MBD5: variants seen among roughly 807,000 people sequenced by gnomAD.
MBD5 encodes methyl-CpG-binding domain protein 5.
A neutral mutation model predicts 117.3 loss-of-function variants in MBD5; 13 were observed. The ratio of observed to expected loss-of-function variants is 0.11; its 90% CI spans 0.07 to 0.18. The LOEUF is 0.18. MBD5 is among the 10% of genes least tolerant of loss of function. The probability of loss-of-function intolerance (pLI) is 1.00; values close to 1 mark genes in which losing one functional copy is unlikely to be tolerated. For missense variants in MBD5, 1,879 were observed against 2,093.8 expected (o/e 0.90, Z 2.00); for synonymous variants, 727 against 766.4 (o/e 0.95, Z 0.85).
intron 1 of MBD5, among the ~76,000 whole-genome samples, chr2:148,160,025 C>T (rs1009674386): frequency 1.3e-5 from 2 of 152,210 alleles, no homozygotes; most frequent in African/African-American, 4.8e-5. Context: ...GTGATGCACA[C>T]TGGCTCTCAA....
At chr2:148,201,483 G>A (rs1343876653) in intron 2 of MBD5, among the ~76,000 whole-genome samples, 1 of 152,204 alleles carries the variant, frequency 6.6e-6, no homozygotes, top group African/African-American at 2.4e-5. Flanking sequence ...AACTCTGTCA[G>A]CCCGGTTGCC....
chr2:148,328,671 A>T (rs1702542875), intron 3 of MBD5, among the ~76,000 whole-genome samples: 1 of 152,216 alleles, frequency 6.6e-6, no homozygotes, highest in South Asian at 2.1e-4. Flanking sequence ...GCGCTTCCCG[A>T]GTGAGGCAAT....
chr2:148,203,183 A>C (rs2105967392), intron 2 of MBD5, among the ~76,000 whole-genome samples: 1 of 152,234 alleles, frequency 6.6e-6, no homozygotes, highest in Admixed American at 6.5e-5. Context: ...AGGAAAGTTC[A>C]CAAATGAAAT....
Position 148,469,005 on chromosome 2 carries a change from G to A in MBD5, c.1062G>A (p.Glu354=), listed in dbSNP as rs370772643. The change falls in exon 8 of 14, where the codon GAG becomes GAA. Residue 354 remains glutamate (E), a synonymous_variant. Transcript: ENST00000642680. ...CALQKKPLTS[E]KDPLGILDPI... ...TTCAGAAAAAGCCATTAACATCTGA[G>A]AAAGATCCACTTGGCATTCTTGACC... The A allele has an allele frequency of 6.2e-7, 1 of 1,613,484 alleles. No homozygotes were observed. Among genetic ancestry groups the A allele is most frequent in the Non-Finnish European group, 8.5e-7 (1 of 1,179,876 alleles).
intron 8 of MBD5, among the ~76,000 whole-genome samples, chr2:148,472,642 T>C (rs1680832353): frequency 6.6e-6 from 1 of 152,124 alleles, no homozygotes; most frequent in Non-Finnish European, 1.5e-5. Context: ...TGACATTTAT[T>C]CATTCATCAA....
At chr2:148,479,292 C>T (rs184694809) in intron 8 of MBD5, among the ~76,000 whole-genome samples, 67 of 152,284 alleles carry the variant, frequency 4.4e-4, no homozygotes, top group African/African-American at 1.6e-3. Context: ...TCCCTTATCT[C>T]CTGGCATTGG....
At chr2:148,269,989 A>G (rs1257440289) in intron 3 of MBD5, among the ~76,000 whole-genome samples, 6 of 152,024 alleles carry the variant, frequency 3.9e-5, no homozygotes, top group Admixed American at 6.6e-5. Flanking sequence ...GACCTCTTTC[A>G]TATTTCATGC....
intron 3 of MBD5, among the ~76,000 whole-genome samples, chr2:148,298,254 T>C (rs1701702221): frequency 6.6e-6 from 1 of 152,214 alleles, no homozygotes; most frequent in Non-Finnish European, 1.5e-5. Flanking sequence ...CTGCAATACA[T>C]AGCTGGGGTC....
chr2:148,452,709 A>G (rs529699060), intron 4 of MBD5, among the ~76,000 whole-genome samples: 14 of 152,300 alleles, frequency 9.2e-5, no homozygotes, highest in African/African-American at 2.9e-4. Context: ...AAATGTGTCT[A>G]TAAACCACTT....
Position 148,513,016 on chromosome 2 carries a change from T to A in MBD5, c.*75T>A. 7.6e-7 allele frequency: 1 copy of A among 1,313,588 alleles called. No homozygotes were observed. The highest frequency in any genetic ancestry group is 1.5e-5 in the African/African-American group (1 of 68,872). The allele number at this position is 1,313,588 out of a possible 1,614,324, so 81.4% of individuals were successfully genotyped here. On this transcript the variant is annotated 3_prime_UTR_variant, in exon 14 of 14. Coordinates refer to ENST00000642680, the MANE Select transcript of MBD5 (RefSeq NM_001378120.1). ...ATGTATCTGTATATAGGTATTGATA[T>A]AGCCACAGTTATATCAATATTTAGA...
At chr2:148,136,080 G>C (rs149962218) in intron 1 of MBD5, among the ~76,000 whole-genome samples, 519 of 152,266 alleles carry the variant, frequency 3.4e-3, no homozygotes, top group Non-Finnish European at 6.3e-3. Context: ...TATTCATAGT[G>C]GGGGGTGGTG....
At chr2:148,111,782 A>T (rs759640730) in intron 1 of MBD5, among the ~76,000 whole-genome samples, 9 of 152,140 alleles carry the variant, frequency 5.9e-5, no homozygotes, top group Non-Finnish European at 1.3e-4. Flanking sequence ...GGTAAGTTCC[A>T]AGGTCCCAGT....
At chr2:148,362,796 C>T (rs976727658) in intron 4 of MBD5, among the ~76,000 whole-genome samples, 2 of 152,210 alleles carry the variant, frequency 1.3e-5, no homozygotes, top group African/African-American at 4.8e-5. Context: ...AAGGAATAGG[C>T]AGCAGTCTTT....
chr2:148,256,085 T>G (rs1700583711), intron 3 of MBD5, among the ~76,000 whole-genome samples: 1 of 152,246 alleles, frequency 6.6e-6, no homozygotes, highest in South Asian at 2.1e-4. Context: ...AGCGGCCCGA[T>G]GTAGTCTATT....
intron 3 of MBD5, among the ~76,000 whole-genome samples, chr2:148,261,760 G>A (rs1311774146): frequency 2.6e-5 from 4 of 152,218 alleles, no homozygotes; most frequent in Admixed American, 2.0e-4. Context: ...AGCAGAAGAA[G>A]CCTAGCTGTC....
rs751078455 is a variant in MBD5 at position 148,483,529 on chromosome 2, G to A, written c.2938G>A (p.Val980Ile). Residue 980 changes from valine (V) to isoleucine (I), a missense_variant, in exon 9 of 14, where the codon GTA becomes ATA. This residue lies in a region of MBD5 where 1,666 missense variants were observed against 1,792.2 expected (regional missense o/e 0.93). Coordinates refer to ENST00000642680, the MANE Select transcript of MBD5 (RefSeq NM_001378120.1). ...AFLSSDMDGQ[V>I]LQPVHFQLLA... is the part of the protein sequence containing the mutation. ...TCTCTCCAGTGACATGGATGGGCAG[G>A]TATTGCAGCCTGTTCACTTTCAGCT... The A allele has an allele frequency of 5.0e-6, 8 of 1,604,418 alleles. No individual in the cohort carries two copies. The highest frequency in any genetic ancestry group is 2.2e-5 in the South Asian group (2 of 90,312).
chr2:148,147,877 A>G (rs917969648), intron 1 of MBD5, among the ~76,000 whole-genome samples: 2 of 152,078 alleles, frequency 1.3e-5, no homozygotes, highest in African/African-American at 4.8e-5. Flanking sequence ...ACAGAGCCTC[A>G]AAGTCAGCCA....
chr2:148,171,646 A>G (rs1026104169), intron 1 of MBD5, among the ~76,000 whole-genome samples: 4 of 152,206 alleles, frequency 2.6e-5, no homozygotes, highest in African/African-American at 9.6e-5. Context: ...AAGAAAGAAA[A>G]AGCATCCAGA....
chr2:148,430,962 G>A (rs1705965890), intron 4 of MBD5, among the ~76,000 whole-genome samples: 1 of 152,068 alleles, frequency 6.6e-6, no homozygotes. Flanking sequence ...GTTTTACCTA[G>A]AATAAATTTA....
Sources: allele counts gnomAD v4.1 joint callset (sites outside exome capture counted in the v4.1 genomes callset), GRCh38; gene constraint gnomAD v4.1.1; regional missense constraint gnomAD v4.1.1; transcripts MANE v1.5; gene names NCBI Gene and HGNC (gene_info 2026-07-23, HGNC 2026-07-21).